RNF216: variants seen among roughly 807,000 people sequenced by gnomAD.
RNF216 encodes the protein ring finger protein 216.
Under a neutral mutation model 110.8 loss-of-function variants are expected in RNF216, and 72 were observed. That is an observed-to-expected ratio of 0.65 (90% CI 0.54 to 0.79). The LOEUF is 0.79. RNF216 is among the 30% of genes least tolerant of loss of function. The probability of loss-of-function intolerance (pLI) is 0.00; values close to 1 mark genes in which losing one functional copy is unlikely to be tolerated. For missense variants in RNF216, 1,342 were observed against 1,141.2 expected (o/e 1.18, Z -2.54); for synonymous variants, 495 against 407.5 (o/e 1.21, Z -2.59).
chr7:5,663,152 C>T (rs1789259981), intron 13 of RNF216, among the ~76,000 whole-genome samples: 1 of 152,196 alleles, frequency 6.6e-6, no homozygotes, highest in Non-Finnish European at 1.5e-5. Context: ...TGTTACTGCA[C>T]TTTTAGTGGC....
At position 5,696,954 on chromosome 7, in the gene RNF216, T is replaced by G. The variant is rs989026970; in HGVS notation, c.2061+14807A>C. ...AATTCACCCTCCCACAAGCAGCATG[T>G]GATCCCACTGTGTCCCTCCATTACG... On this transcript the variant is annotated intron_variant, in intron 13 of 16. Transcript: ENST00000389902. The surrounding 1 kb of genome is among the most constrained non-coding windows in gnomAD (Gnocchi z 5.4). Among the ~76,000 whole-genome samples, 10 of 152,162 alleles carry G rather than the reference T, an allele frequency of 6.6e-5. No homozygotes were observed. The highest frequency in any genetic ancestry group is 1.7e-4 in the African/African-American group (7 of 41,454).
intron 13 of RNF216, among the ~76,000 whole-genome samples, chr7:5,656,708 G>A (rs917168310): frequency 6.6e-6 from 1 of 152,140 alleles, no homozygotes; most frequent in Non-Finnish European, 1.5e-5. Flanking sequence ...TGTTCATGAG[G>A]TCTTCACTTT....
chr7:5,739,900 G>C (rs1794656224), intron 4 of RNF216, among the ~76,000 whole-genome samples: 1 of 151,842 alleles, frequency 6.6e-6, no homozygotes, highest in African/African-American at 2.4e-5. Context: ...CTACTCGGGA[G>C]GCAGAGACAG....
At chr7:5,653,111 G>T (rs985721998) in intron 13 of RNF216, among the ~76,000 whole-genome samples, 10 of 152,232 alleles carry the variant, frequency 6.6e-5, no homozygotes, top group Middle Eastern at 6.8e-3. Context: ...GCCTACTTCA[G>T]TTCACCAGGG....
intron 1 of RNF216, among the ~76,000 whole-genome samples, chr7:5,774,159 G>A (rs958593086): frequency 3.5e-5 from 5 of 141,600 alleles, no homozygotes; most frequent in Non-Finnish European, 6.1e-5. Context: ...TCTGGGCTTC[G>A]GATAATACTG....
intron 2 of RNF216, among the ~76,000 whole-genome samples, chr7:5,758,554 C>G (rs940224581): frequency 7.9e-5 from 12 of 152,188 alleles, no homozygotes; most frequent in African/African-American, 2.9e-4. Context: ...TTTCAGGAGC[C>G]TATCCCTTGC....
At chr7:5,705,626 T>C (rs909094590) in intron 13 of RNF216, among the ~76,000 whole-genome samples, 11 of 151,970 alleles carry the variant, frequency 7.2e-5, no homozygotes, top group South Asian at 6.2e-4. Flanking sequence ...AAAACTGCGG[T>C]AGGCTGGGCA....
chr7:5,752,883 T>G lies in RNF216; in HGVS notation c.164A>C (p.Glu55Ala). Residue 55 changes from glutamate (E) to alanine (A), a missense_variant, in exon 3 of 17, where the codon GAA (glutamate) becomes GCA (alanine). Glu to Ala is a moderately radical substitution (Grantham distance 107, BLOSUM62 -1). Transcript: ENST00000389902. Reference sequence around the variant, plus strand: ...GACATCATCATCCAGGTCCTCTTCTTCATGCTGCTGAGGAGCTGGGGTGAC... The same window carrying G: ...GACATCATCATCCAGGTCCTCTTCTGCATGCTGCTGAGGAGCTGGGGTGAC... The part of the protein sequence containing the change: ...MLVTPAPQQH[E>A]EEDLDDDVIL... 6.2e-7 allele frequency: 1 copy of G among 1,612,802 alleles called. No homozygotes were observed. The highest frequency in any genetic ancestry group is 8.5e-7 in the Non-Finnish European group (1 of 1,179,452).
At chr7:5,756,269 T>A (rs1795637424) in intron 2 of RNF216, among the ~76,000 whole-genome samples, 1 of 152,186 alleles carries the variant, frequency 6.6e-6, no homozygotes, top group African/African-American at 2.4e-5. Context: ...TATGGAACTG[T>A]GAGTCAATTA....
At chr7:5,722,479 C>T (rs1793492749) in intron 8 of RNF216, among the ~76,000 whole-genome samples, 1 of 151,426 alleles carries the variant, frequency 6.6e-6, no homozygotes, top group Non-Finnish European at 1.5e-5. Flanking sequence ...CAGCTCCGCC[C>T]CCCGGGGTTC....
chr7:5,758,080 T>C (rs1312923678), intron 2 of RNF216, among the ~76,000 whole-genome samples: 2 of 152,016 alleles, frequency 1.3e-5, no homozygotes, highest in African/African-American at 2.4e-5. Context: ...AGAGTATACA[T>C]ACTCGTCTAA....
Position 5,765,967 on chromosome 7 carries a change from AG to A in RNF216, c.-69-4830del, listed in dbSNP as rs1216224005. On this transcript the variant is annotated intron_variant, in intron 1 of 16. Transcript: ENST00000389902. Reference sequence around the variant, plus strand: ...GACTCTGTCTCAAAAAAAAAAAAAAAGAAAGAAAGAAATAGAAACATGAATC... The same window carrying A: ...GACTCTGTCTCAAAAAAAAAAAAAAAAAAGAAAGAAATAGAAACATGAATC... Among the ~76,000 whole-genome samples the A allele has an allele frequency of 1.5e-3, 145 of 94,764 alleles. 1 individual carries two copies. Among genetic ancestry groups the A allele is most frequent in the Admixed American group, 3.0e-3 (26 of 8,752 alleles). 62.2% of individuals were successfully genotyped at this position (94,764 alleles called of 152,430 possible).
intron 1 of RNF216, among the ~76,000 whole-genome samples, chr7:5,764,516 C>T (rs1796098852): frequency 6.6e-6 from 1 of 151,876 alleles, no homozygotes; most frequent in African/African-American, 2.4e-5. Flanking sequence ...GGTGTGGTGG[C>T]ATGCACCTGT....
intron 13 of RNF216, among the ~76,000 whole-genome samples, chr7:5,692,215 T>A (rs1230302507): frequency 6.6e-6 from 1 of 152,200 alleles, no homozygotes; most frequent in South Asian, 2.1e-4. Context: ...AATTTTTTAG[T>A]TGTTTATATG....
At chr7:5,726,574 C>CA (rs1445734645) in intron 7 of RNF216, among the ~76,000 whole-genome samples, 2 of 152,028 alleles carry the variant, frequency 1.3e-5, no homozygotes, top group African/African-American at 2.4e-5. Context: ...GTGTTCAAAT[C>CA]AGGGTGGGCG....
chr7:5,778,810 C>A (rs796848201), intron 1 of RNF216, among the ~76,000 whole-genome samples: 20 of 152,354 alleles, frequency 1.3e-4, no homozygotes, highest in African/African-American at 4.8e-4. Context: ...GTGGCACAAT[C>A]TCGGATCACT....
chr7:5,665,567 G>A (rs1789454064), intron 13 of RNF216, among the ~76,000 whole-genome samples: 1 of 151,924 alleles, frequency 6.6e-6, no homozygotes, highest in African/African-American at 2.4e-5. Flanking sequence ...TGCCCCCTAG[G>A]GATGGAAAGT....
intron 13 of RNF216, 129 bp downstream of exon 13, chr7:5,711,632 T>G: frequency 2.7e-6 from 2 of 732,470 alleles, no homozygotes. Context: ...CTCATTTGCT[T>G]ATGAAAAGGA....
chr7:5,632,279 G>A (rs1282767017), intron 15 of RNF216, among the ~76,000 whole-genome samples: 2 of 152,248 alleles, frequency 1.3e-5, no homozygotes, highest in Non-Finnish European at 2.9e-5. Context: ...CTCGAGGGCT[G>A]CAGTCTCTGT....
Sources: allele counts gnomAD v4.1 joint callset (sites outside exome capture counted in the v4.1 genomes callset), GRCh38; gene constraint gnomAD v4.1.1; non-coding constraint Gnocchi (gnomAD v3.1); transcripts MANE v1.5; gene names NCBI Gene and HGNC (gene_info 2026-07-23, HGNC 2026-07-21).